IKBKB-DT: variants seen among roughly 807,000 people sequenced by gnomAD.
IKBKB-DT encodes the protein IKBKB antisense RNA.
chr8:42,245,389 T>A (rs1563275335), intron 3 of IKBKB-DT, among the ~76,000 whole-genome samples: 1 of 152,120 alleles, frequency 6.6e-6, no homozygotes. Context: ...AAGCAGAAAA[T>A]GGGTCAGGAC....
intron 3 of IKBKB-DT, among the ~76,000 whole-genome samples, chr8:42,239,040 G>A (rs1806963847): frequency 6.6e-6 from 1 of 152,114 alleles, no homozygotes; most frequent in Non-Finnish European, 1.5e-5. Flanking sequence ...AATCCATCTG[G>A]TGATTACACC....
intron 3 of IKBKB-DT, among the ~76,000 whole-genome samples, chr8:42,236,693 G>T (rs1383074207): frequency 6.6e-6 from 1 of 152,140 alleles, no homozygotes; most frequent in African/African-American, 2.4e-5. Context: ...GAAGGCAGAG[G>T]TTGCGGTGAG....
chr8:42,245,726 G>A (rs907921718), intron 3 of IKBKB-DT, among the ~76,000 whole-genome samples: 6 of 152,296 alleles, frequency 3.9e-5, no homozygotes, highest in Admixed American at 2.0e-4. Context: ...GCCCTTACCC[G>A]GAAAATGTAC....
At chr8:42,252,008 C>T (rs899236415) in intron 3 of IKBKB-DT, among the ~76,000 whole-genome samples, 5 of 152,156 alleles carry the variant, frequency 3.3e-5, no homozygotes, top group African/African-American at 1.2e-4. Flanking sequence ...GATAAGCAAG[C>T]TGGAAGCTTG....
chr8:42,236,164 CT>C (rs879354152), intron 3 of IKBKB-DT, among the ~76,000 whole-genome samples: 282 of 145,452 alleles, frequency 1.9e-3, no homozygotes, highest in Middle Eastern at 3.5e-3. Flanking sequence ...TCACTTCTCT[CT>C]TTTTTTTTTT....
intron 3 of IKBKB-DT, among the ~76,000 whole-genome samples, chr8:42,235,314 C>T (rs1003642720): frequency 3.3e-5 from 5 of 149,870 alleles, no homozygotes; most frequent in East Asian, 2.0e-4. Flanking sequence ...AAGTGATTCT[C>T]GTGCCTCAGC....
At chr8:42,266,801 C>T (rs1053105395) in intron 1 of IKBKB-DT, among the ~76,000 whole-genome samples, 26 of 152,096 alleles carry the variant, frequency 1.7e-4, no homozygotes, top group Non-Finnish European at 3.2e-4. Context: ...CCCACCAGCA[C>T]CATGACAGTT....
chr8:42,265,775 T>C (rs1299182159), exon 2 of IKBKB-DT: 1 of 152,242 alleles, frequency 6.6e-6, no homozygotes, highest in Non-Finnish European at 1.5e-5. Context: ...AGTGATTTCC[T>C]CCTCTAAGCT....
chr8:42,239,481 T>C (rs547421515), intron 3 of IKBKB-DT, among the ~76,000 whole-genome samples: 2 of 151,310 alleles, frequency 1.3e-5, no homozygotes, highest in Admixed American at 6.6e-5. Context: ...TCCTTTATAT[T>C]GTATTTAGAA....
intron 3 of IKBKB-DT, among the ~76,000 whole-genome samples, chr8:42,239,635 T>TA (rs56036653): frequency 0.16 from 8,644 of 52,440 alleles, 1,512 homozygotes; most frequent in East Asian, 0.19. Context: ...TATATATATA[T>TA]TTATTTATTT....
At position 42,247,579 on chromosome 8, in the gene IKBKB-DT, C is replaced by T. The variant is rs572041950; in HGVS notation, n.1530-13720G>A. On this transcript the variant is annotated intron_variant and non_coding_transcript_variant, in intron 3 of 3. Transcript: ENST00000518213. Reference sequence around the variant, plus strand: ...AAGGGCCATGAGATTTGGGAGGGGCCGGAGCAGAATGATATGGTTAGGCTT... The same window carrying T: ...AAGGGCCATGAGATTTGGGAGGGGCTGGAGCAGAATGATATGGTTAGGCTT... Among the ~76,000 whole-genome samples the T allele has an allele frequency of 2.8e-4, 43 of 152,124 alleles. No homozygotes were observed. In the South Asian group the frequency reaches 8.3e-3, roughly 29 times the overall value.
intron 3 of IKBKB-DT, among the ~76,000 whole-genome samples, chr8:42,242,842 T>C (rs566996849): frequency 1.9e-4 from 29 of 152,324 alleles, no homozygotes; most frequent in Non-Finnish European, 3.8e-4. Flanking sequence ...GATTTCCACA[T>C]GATGGCTGCA....
intron 3 of IKBKB-DT, among the ~76,000 whole-genome samples, chr8:42,243,488 C>T (rs1006215242): frequency 6.6e-6 from 1 of 152,214 alleles, no homozygotes; most frequent in Non-Finnish European, 1.5e-5. Flanking sequence ...AACCCCAGAA[C>T]ATCTCTGGAG....
At chr8:42,235,373 T>C (rs565531439) in intron 3 of IKBKB-DT, among the ~76,000 whole-genome samples, 18 of 151,930 alleles carry the variant, frequency 1.2e-4, no homozygotes, top group African/African-American at 4.3e-4. Context: ...CCCAGCTAAT[T>C]TTTTGTATTT....
At chr8:42,249,691 G>A (rs1267156160) in intron 3 of IKBKB-DT, among the ~76,000 whole-genome samples, 2 of 152,116 alleles carry the variant, frequency 1.3e-5, no homozygotes, top group African/African-American at 4.8e-5. Context: ...CTTCACCGCT[G>A]TTCCATTTCC....
chr8:42,268,316 T>C (rs1807404053), intron 1 of IKBKB-DT, among the ~76,000 whole-genome samples: 1 of 151,226 alleles, frequency 6.6e-6, no homozygotes, highest in Admixed American at 6.6e-5. Context: ...TTTGTATTTT[T>C]AGTAGAGATG....
rs186390854 is a variant in IKBKB-DT at position 42,258,530 on chromosome 8, G to A, written n.1529+4799C>T. Among the ~76,000 whole-genome samples, 9 of 151,190 alleles carry A rather than the reference G, an allele frequency of 6.0e-5. No homozygotes were observed. In the East Asian group the frequency reaches 9.7e-4, roughly 16 times the overall value. On this transcript the variant is annotated intron_variant and non_coding_transcript_variant, in intron 3 of 3. Transcript: ENST00000518213. ...CCCAGGCTGGATGGAGTGCAGTGGC[G>A]CGATCTCTGCTCACTGCAACCTCCG...
chr8:42,266,773 C>T (rs1807376066), intron 1 of IKBKB-DT, among the ~76,000 whole-genome samples: 2 of 152,106 alleles, frequency 1.3e-5, no homozygotes, highest in Non-Finnish European at 2.9e-5. Context: ...GACATCTGGT[C>T]GTCCTCACTG....
chr8:42,260,668 C>CATA (rs1554503676), intron 3 of IKBKB-DT, among the ~76,000 whole-genome samples: 1 of 44,932 alleles, frequency 2.2e-5, no homozygotes, highest in African/African-American at 6.1e-5. Context: ...GACTCTGTCT[C>CATA]AAAAAAAAAA....
Sources: allele counts gnomAD v4.1 joint callset (sites outside exome capture counted in the v4.1 genomes callset), GRCh38; gene constraint gnomAD v4.1.1; transcripts MANE v1.5; gene names NCBI Gene and HGNC (gene_info 2026-07-23, HGNC 2026-07-21).